RABGEF1: variants seen among roughly 807,000 people sequenced by gnomAD.
RABGEF1 encodes RAB guanine nucleotide exchange factor 1.
A neutral mutation model predicts 57.3 loss-of-function variants in RABGEF1; 26 were observed. The ratio of observed to expected loss-of-function variants is 0.45; its 90% CI spans 0.33 to 0.63. The LOEUF is 0.63. Among genes scored for constraint, RABGEF1 ranks in the 20% least tolerant of loss-of-function variants. The pLI is 0.02. For synonymous variants in RABGEF1, 185 were observed against 210.7 expected (o/e 0.88, Z 1.06); for missense variants, 464 against 607.6 (o/e 0.76, Z 2.48).
chr7:66,693,579 C>A lies in RABGEF1; in HGVS notation c.-873+11321C>A, dbSNP rs1479845439. ...GGCTCCCAGGCCCTCACCCACCCTG[C>A]CCTCTCCCATGGAGTTAAGAATCCT... On this transcript the variant is annotated intron_variant and NMD_transcript_variant, in intron 1 of 9. Transcript: ENST00000607882. Among the ~76,000 whole-genome samples the A allele has an allele frequency of 2.0e-5, 3 of 152,108 alleles. No homozygotes were observed. The East Asian group carries it at 5.8e-4, about 29-fold the overall frequency.
At position 66,795,563 on chromosome 7, in the gene RABGEF1, T is replaced by C; in HGVS notation, c.566T>C (p.Val189Ala). The C allele has an allele frequency of 6.2e-7, 1 of 1,612,004 alleles. No homozygotes were observed. The highest frequency in any genetic ancestry group is 8.5e-7 in the Non-Finnish European group (1 of 1,178,086). ...TGTGCTCAGGATTTCTACCACAATG[T>C]GGCCGAAAGGATGCAAACTCGTGGG... Reference protein sequence around the residue: ...SECAQDFYHNVAERMQTRGKV... With the variant: ...SECAQDFYHNAAERMQTRGKV... Residue 189 changes from valine to alanine, a missense_variant, in exon 5 of 9, where the codon GTG becomes GCG. Physicochemically the swap from Val to Ala is moderately conservative, Grantham distance 64. Transcript: ENST00000284957.
rs1309645560 is a variant in RABGEF1, at chr7:66,761,449, A to G, written c.-17-10434A>G. 4.6e-5 allele frequency among the ~76,000 whole-genome samples: 7 copies of G among 152,180 alleles called. No individual in the cohort carries two copies. In the South Asian group the frequency reaches 8.3e-4, roughly 18 times the overall value. On this transcript the variant is annotated intron_variant, in intron 1 of 8. Coordinates refer to ENST00000284957, the MANE Select transcript of RABGEF1 (RefSeq NM_014504.3). ...CTGGTTTATTATAACAGATATTGCA[A>G]AGGATCCAGGTAAAGGAGATGCTGG... is the stretch of plus-strand genomic sequence containing the variant.
chr7:66,679,080 G>C (rs763707135), upstream of RABGEF1, among the ~76,000 whole-genome samples: 1 of 152,104 alleles, frequency 6.6e-6, no homozygotes, highest in Non-Finnish European at 1.5e-5. Context: ...CCATATTGAC[G>C]TTGGTTTGGC....
intron 2 of RABGEF1, among the ~76,000 whole-genome samples, chr7:66,714,299 TG>T (rs1169390223): frequency 2.0e-5 from 3 of 152,256 alleles, no homozygotes; most frequent in Admixed American, 6.5e-5. Context: ...TGGTAGTTTG[TG>T]GTTTTTCAGA....
chr7:66,795,761 T>C (rs563408414), intron 5 of RABGEF1, among the ~76,000 whole-genome samples, 169 bp downstream of exon 5: 46 of 152,352 alleles, frequency 3.0e-4, no homozygotes, highest in African/African-American at 8.2e-4. Context: ...CTTTGAACTG[T>C]ACCATGCGTA....
At chr7:66,713,901 G>T (rs1179994196) in intron 2 of RABGEF1, among the ~76,000 whole-genome samples, 1 of 152,068 alleles carries the variant, frequency 6.6e-6, no homozygotes, top group African/African-American at 2.4e-5. Flanking sequence ...AACCAGCCTT[G>T]CATTGCTGAT....
intron 1 of RABGEF1, among the ~76,000 whole-genome samples, chr7:66,700,069 G>A (rs1204339146): frequency 6.6e-6 from 1 of 152,218 alleles, no homozygotes; most frequent in Non-Finnish European, 1.5e-5. Context: ...CTGGCCCAGA[G>A]CCCCTGCTGG....
At position 66,793,132 on chromosome 7, in the gene RABGEF1, A is replaced by G. The variant is rs13311434; in HGVS notation, c.514-2379A>G. Among the ~76,000 whole-genome samples the G allele has an allele frequency of 3.7e-4, 57 of 152,228 alleles. 1 individual carries two copies. In the East Asian group the frequency reaches 9.6e-3, roughly 26 times the overall value. On this transcript the variant is annotated intron_variant, in intron 4 of 8. Coordinates refer to ENST00000284957, the MANE Select transcript of RABGEF1 (RefSeq NM_014504.3). The stretch of plus-strand genomic sequence containing the variant: ...TCGGGTCTCTAAAAGGAGCTCAGAG[A>G]GTTTCTAGTTGGAAGCGAGCACTAC...
chr7:66,706,571 G>A (rs551785478), intron 1 of RABGEF1, among the ~76,000 whole-genome samples: 11 of 150,852 alleles, frequency 7.3e-5, no homozygotes, highest in East Asian at 2.0e-4. Context: ...CACCACGCCC[G>A]GCTAATTTTT....
intron 1 of RABGEF1, among the ~76,000 whole-genome samples, chr7:66,744,139 G>A (rs1396433476): frequency 1.3e-5 from 2 of 151,420 alleles, no homozygotes; most frequent in Admixed American, 6.6e-5. Context: ...GGATTCAAGC[G>A]ATTTGTGTGC....
the RABGEF1 span, among the ~76,000 whole-genome samples, chr7:66,673,071 T>C: frequency 2.2e-5 from 3 of 137,740 alleles, no homozygotes; most frequent in Non-Finnish European, 4.7e-5. Flanking sequence ...GGGTTTGACT[T>C]GAGGTGGATG....
At chr7:66,724,859 T>C (rs1488112786) in intron 2 of RABGEF1, among the ~76,000 whole-genome samples, 4 of 152,230 alleles carry the variant, frequency 2.6e-5, no homozygotes, top group Non-Finnish European at 5.9e-5. Flanking sequence ...CTTGCTTTTT[T>C]CCCTTGGTGC....
intron 1 of RABGEF1, among the ~76,000 whole-genome samples, chr7:66,751,532 G>A (rs1053126532): frequency 2.0e-5 from 3 of 152,088 alleles, no homozygotes; most frequent in African/African-American, 7.2e-5. Context: ...CTTTTGCTAG[G>A]CAGGTAGAGT....
the RABGEF1 span, among the ~76,000 whole-genome samples, chr7:66,658,533 C>CA: frequency 0.031 from 2,344 of 74,906 alleles, 40 homozygotes; most frequent in African/African-American, 0.052. Context: ...ACTTCGTCTC[C>CA]AAAAAAAAAA....
At chr7:66,661,176 G>A in the RABGEF1 span, among the ~76,000 whole-genome samples, 1 of 151,694 alleles carries the variant, frequency 6.6e-6, no homozygotes, top group African/African-American at 2.4e-5. Flanking sequence ...GCGGGCACCT[G>A]TAGTCCCAGC....
intron 4 of RABGEF1, among the ~76,000 whole-genome samples, chr7:66,790,942 A>G (rs1411413486): frequency 2.0e-5 from 3 of 152,242 alleles, no homozygotes; most frequent in Non-Finnish European, 4.4e-5. Flanking sequence ...GTCTTTGGGA[A>G]TTCTGCTTTT....
At chr7:66,696,452 G>A (rs889984373) in intron 1 of RABGEF1, among the ~76,000 whole-genome samples, 10 of 152,114 alleles carry the variant, frequency 6.6e-5, no homozygotes, top group Non-Finnish European at 1.2e-4. Flanking sequence ...CACTTTGAGA[G>A]GCCAAGGGAG....
At chr7:66,660,143 C>T in the RABGEF1 span, among the ~76,000 whole-genome samples, 4 of 151,488 alleles carry the variant, frequency 2.6e-5, no homozygotes, top group Admixed American at 2.0e-4. Context: ...GTCAGGAGAT[C>T]GAGACCATCC....
chr7:66,762,297 A>G (rs1804616649), intron 1 of RABGEF1, among the ~76,000 whole-genome samples: 1 of 152,344 alleles, frequency 6.6e-6, no homozygotes, highest in African/African-American at 2.4e-5. Flanking sequence ...TTTATTAGAA[A>G]TAGGACATGG....
Sources: gnomAD v4.1 joint callset for allele counts (sites outside exome capture counted in the v4.1 genomes callset) on GRCh38, gnomAD v4.1.1 for gene constraint, MANE v1.5 for transcripts, NCBI Gene and HGNC (gene_info 2026-07-23, HGNC 2026-07-21) for gene names.